The following SLC6A11 variants were observed in gnomAD, a reference collection of about 807,000 sequenced individuals.
The protein encoded by SLC6A11 is sodium- and chloride-dependent GABA transporter 3.
In SLC6A11, 25 loss-of-function variants were observed where a neutral mutation model predicts 74.8. That is an observed-to-expected ratio of 0.33 (90% confidence interval 0.24 to 0.47). The LOEUF (loss-of-function observed/expected upper bound fraction) is 0.47. SLC6A11 is among the 20% of genes least tolerant of loss of function. SLC6A11 has a pLI of 1.00. For synonymous variants in SLC6A11, 330 were observed against 330.2 expected (o/e 1.00, Z 0.01); for missense variants, 574 against 837.0 (o/e 0.69, Z 3.88).
chr3:10,887,957 A>G (rs771294991), intron 6 of SLC6A11, among the ~76,000 whole-genome samples: 3 of 152,254 alleles, frequency 2.0e-5, no homozygotes, highest in Non-Finnish European at 2.9e-5. Context: ...CTGCAAAGCC[A>G]GAGAGTTCAG....
chr3:10,835,449 A>C (rs899296799), intron 4 of SLC6A11, among the ~76,000 whole-genome samples: 2 of 152,038 alleles, frequency 1.3e-5, no homozygotes, highest in Admixed American at 6.5e-5. Context: ...CCCCTTATGC[A>C]CTTTGCCTCC....
At chr3:10,919,592 G>T (rs1695509331) in intron 8 of SLC6A11, among the ~76,000 whole-genome samples, 1 of 152,182 alleles carries the variant, frequency 6.6e-6, no homozygotes, top group African/African-American at 2.4e-5. Context: ...GGAGGCAGCT[G>T]ATCAGCAAGC....
chr3:10,825,639 T>A (rs1410031590), intron 4 of SLC6A11: 2 of 152,136 alleles, frequency 1.3e-5, no homozygotes, highest in East Asian at 1.9e-4. Context: ...GTTGAAAAAA[T>A]TTTCCATATT....
intron 12 of SLC6A11, 94 bp from the exon 13 acceptor site, chr3:10,934,935 G>A: frequency 9.0e-7 from 1 of 1,106,358 alleles, no homozygotes; most frequent in South Asian, 1.5e-5. Flanking sequence ...TCCCCTGCCA[G>A]CCTCTGGCTA....
At position 10,879,910 on chromosome 3, in the gene SLC6A11, A is replaced by G. The variant is rs141435884; in HGVS notation, c.891+4815A>G. ...AGCATTTCAGATTTTCAGATTAGAC[A>G]TACTCAACCTGTACATACATACATA... On this transcript the variant is annotated intron_variant, in intron 6 of 13. Transcript: ENST00000254488. 5.8e-3 allele frequency among the ~76,000 whole-genome samples: 883 copies of G among 152,296 alleles called. 7 individuals are homozygous for G. The highest frequency in any genetic ancestry group is 0.019 in the African/African-American group (809 of 41,562).
chr3:10,817,263 C>T (rs1219006168), intron 1 of SLC6A11, among the ~76,000 whole-genome samples: 1 of 152,124 alleles, frequency 6.6e-6, no homozygotes, highest in Non-Finnish European at 1.5e-5. Flanking sequence ...CTGAGAGTCA[C>T]CCACGACAAA....
intron 4 of SLC6A11, among the ~76,000 whole-genome samples, chr3:10,834,704 A>T (rs1373743481): frequency 1.3e-5 from 2 of 152,172 alleles, no homozygotes; most frequent in Admixed American, 1.3e-4. Flanking sequence ...ATGGGGGAGA[A>T]GCGCCAGAGC....
chr3:10,895,339 CT>C (rs1220636071), intron 6 of SLC6A11, among the ~76,000 whole-genome samples: 3 of 151,698 alleles, frequency 2.0e-5, no homozygotes, highest in Non-Finnish European at 1.5e-5. Context: ...GAACTTGGTA[CT>C]TTTTTTTTCT....
chr3:10,888,118 G>A (rs761299821), intron 6 of SLC6A11, among the ~76,000 whole-genome samples: 1 of 152,226 alleles, frequency 6.6e-6, no homozygotes. Context: ...AGAGCAGCAT[G>A]TGAATGCCTG....
intron 6 of SLC6A11, among the ~76,000 whole-genome samples, chr3:10,880,735 G>A (rs11720592): frequency 2.0e-5 from 3 of 152,058 alleles, no homozygotes; most frequent in Non-Finnish European, 4.4e-5. Context: ...CACTTGGTGG[G>A]GAGTCCTTCC....
rs542990186 is a variant in SLC6A11 at position 10,939,564 on chromosome 3, C to T, written c.*1162C>T. Reference sequence around the variant, plus strand: ...TTCTCTGTCCCAGGCCACCTCTTCTCCCTCCTCCTGTCCCCTAACCTCCAC... The same window carrying T: ...TTCTCTGTCCCAGGCCACCTCTTCTTCCTCCTCCTGTCCCCTAACCTCCAC... On this transcript the variant is annotated 3_prime_UTR_variant, in exon 14 of 14. Transcript: ENST00000254488. 2 of 152,692 alleles carry T rather than the reference C, an allele frequency of 1.3e-5. No homozygotes were observed. The highest frequency in any genetic ancestry group is 2.9e-5 in the Non-Finnish European group (2 of 68,302). The allele number at this position is 152,692 out of a possible 1,614,324, so 9.5% of individuals were successfully genotyped here. A position where few individuals can be genotyped will look rare whatever the true frequency, so the allele number is the denominator to read the frequency against.
chr3:10,894,273 A>G (rs1000191619), intron 6 of SLC6A11, among the ~76,000 whole-genome samples: 3 of 152,206 alleles, frequency 2.0e-5, no homozygotes, highest in Non-Finnish European at 4.4e-5. Context: ...TCAGATGAGC[A>G]TAGGAGAGGC....
At chr3:10,921,445 C>T (rs1276950794) in intron 8 of SLC6A11, among the ~76,000 whole-genome samples, 1 of 151,880 alleles carries the variant, frequency 6.6e-6, no homozygotes, top group Non-Finnish European at 1.5e-5. Flanking sequence ...AGTCTTGGTC[C>T]AATTGTTTAG....
At chr3:10,931,312 A>C (rs1189983440) in intron 10 of SLC6A11, among the ~76,000 whole-genome samples, 1 of 152,180 alleles carries the variant, frequency 6.6e-6, no homozygotes, top group African/African-American at 2.4e-5. Flanking sequence ...GGTTTAACAC[A>C]GCCTGCTACT....
chr3:10,875,129 C>T (rs1035686419), intron 6 of SLC6A11, 34 bp downstream of exon 6: 1 of 1,552,562 alleles, frequency 6.4e-7, no homozygotes. Flanking sequence ...CAGCATCACC[C>T]ACCACCACTG....
At chr3:10,817,821 G>C (rs765740261) in intron 1 of SLC6A11, among the ~76,000 whole-genome samples, 74 of 152,192 alleles carry the variant, frequency 4.9e-4, no homozygotes, top group Admixed American at 1.2e-3. Flanking sequence ...TGGCAAGGGA[G>C]AGAGAGGGAG....
chr3:10,874,891 A>T, intron 5 of SLC6A11, 70 bp from the exon 6 acceptor site: 1 of 1,475,908 alleles, frequency 6.8e-7, no homozygotes, highest in South Asian at 1.4e-5. Flanking sequence ...CCCAAAGGAC[A>T]TTGTGCTGAG....
In SLC6A11 at chr3:10,914,313, G is replaced by A. The variant is rs375575652; in HGVS notation, c.995+2120G>A. ...CTGGCCTCCCCACTACATCCTTTCC[G>A]AGAGCTAGCTTAGCGGTCACATTAT... On this transcript the variant is annotated intron_variant, in intron 7 of 13. Transcript: ENST00000254488. Among the ~76,000 whole-genome samples the A allele has an allele frequency of 1.8e-4, 27 of 152,222 alleles. No homozygotes were observed. The South Asian group carries it at 5.4e-3, about 30-fold the overall frequency.
chr3:10,861,396 A>G (rs1300162666), intron 5 of SLC6A11, among the ~76,000 whole-genome samples: 1 of 149,082 alleles, frequency 6.7e-6, no homozygotes, highest in Non-Finnish European at 1.5e-5. Context: ...GGACACCTGT[A>G]GTCCTAGCTA....
Sources: allele counts gnomAD v4.1 joint callset (sites outside exome capture counted in the v4.1 genomes callset), GRCh38; gene constraint gnomAD v4.1.1; transcripts MANE v1.5; gene names NCBI Gene and HGNC (gene_info 2026-07-23, HGNC 2026-07-21).